Variants in DNM3 observed in about 807,000 individuals in gnomAD.
DNM3 encodes dynamin 3, also known as dynamin-3.
Under a neutral mutation model 101.6 loss-of-function variants are expected in DNM3, and 47 were observed. The ratio of observed to expected loss-of-function variants is 0.46; its 90% CI spans 0.37 to 0.59. The LOEUF (loss-of-function observed/expected upper bound fraction) is 0.59, where lower values mean the gene tolerates loss of function less well. Among genes scored for constraint, DNM3 ranks in the 20% least tolerant of loss-of-function variants. DNM3 has a pLI of 0.00. For synonymous variants in DNM3, 385 were observed against 387.9 expected (o/e 0.99, Z 0.09); for missense variants, 849 against 1,085.7 (o/e 0.78, Z 3.06).
chr1:172,273,099 G>C (rs2063145102), intron 15 of DNM3, among the ~76,000 whole-genome samples: 1 of 151,908 alleles, frequency 6.6e-6, no homozygotes, highest in African/African-American at 2.4e-5. Flanking sequence ...AAAGACAATA[G>C]GTAAATTATA....
chr1:172,370,499 G>A (rs772820230), intron 17 of DNM3, among the ~76,000 whole-genome samples: 1 of 152,068 alleles, frequency 6.6e-6, no homozygotes, highest in South Asian at 2.1e-4. Flanking sequence ...CTATCTTTAT[G>A]ATCTCAGGCA....
intron 17 of DNM3, among the ~76,000 whole-genome samples, chr1:172,329,330 C>A (rs1229256212): frequency 1.3e-5 from 2 of 151,842 alleles, no homozygotes; most frequent in African/African-American, 4.8e-5. Flanking sequence ...AATGTAAAAA[C>A]CTATCTATTT....
intron 14 of DNM3, among the ~76,000 whole-genome samples, chr1:172,233,353 C>A (rs2061412012): frequency 6.6e-6 from 1 of 152,136 alleles, no homozygotes; most frequent in African/African-American, 2.4e-5. Flanking sequence ...GAAGTTGAAT[C>A]TCTGAATAGA....
At chr1:172,390,280 A>C (rs574736380) in intron 20 of DNM3, among the ~76,000 whole-genome samples, 48 of 152,206 alleles carry the variant, frequency 3.2e-4, no homozygotes, top group Non-Finnish European at 4.9e-4. Context: ...TTTTTGTTTA[A>C]AGCTCACAAC....
At chr1:172,222,936 A>G (rs1557838922) in intron 14 of DNM3, among the ~76,000 whole-genome samples, 1 of 152,060 alleles carries the variant, frequency 6.6e-6, no homozygotes, top group South Asian at 2.1e-4. Flanking sequence ...AAATTTTTTA[A>G]GTGTTATTTT....
chr1:171,977,742 C>T (rs1250457610), intron 2 of DNM3, among the ~76,000 whole-genome samples: 1 of 152,176 alleles, frequency 6.6e-6, no homozygotes, highest in African/African-American at 2.4e-5. Context: ...TTTCAGGCTC[C>T]CTTGCCAATG....
intron 8 of DNM3, 119 bp from the exon 9 acceptor site, chr1:172,044,266 G>A: frequency 1.2e-6 from 1 of 834,840 alleles, no homozygotes; most frequent in Non-Finnish European, 1.9e-6. Flanking sequence ...GTTTAGGTTA[G>A]GAAAGACATG....
At chr1:172,067,163 A>G (rs1442861523) in intron 10 of DNM3, among the ~76,000 whole-genome samples, 1 of 152,206 alleles carries the variant, frequency 6.6e-6, no homozygotes, top group African/African-American at 2.4e-5. Flanking sequence ...TCTTTGCATT[A>G]GATCACTTGT....
intron 12 of DNM3, among the ~76,000 whole-genome samples, chr1:172,090,148 G>GT (rs376601804): frequency 6.6e-6 from 1 of 152,112 alleles, no homozygotes; most frequent in African/African-American, 2.4e-5. Context: ...TCTATCACAG[G>GT]TTTTCACCAC....
intron 1 of DNM3, among the ~76,000 whole-genome samples, chr1:171,892,586 G>A (rs2037387327): frequency 6.6e-6 from 1 of 152,152 alleles, no homozygotes; most frequent in South Asian, 2.1e-4. Flanking sequence ...CATTCTAACA[G>A]TCAGAAACTT....
chr1:172,122,135 T>C (rs956519774), intron 13 of DNM3, among the ~76,000 whole-genome samples: 1 of 152,172 alleles, frequency 6.6e-6, no homozygotes, highest in Admixed American at 6.5e-5. Context: ...TTTAATCACA[T>C]GAGTATTATA....
intron 20 of DNM3, among the ~76,000 whole-genome samples, chr1:172,406,692 A>AT (rs1316793352): frequency 6.6e-6 from 1 of 151,528 alleles, no homozygotes; most frequent in Admixed American, 6.6e-5. Context: ...TTTCAAAACT[A>AT]TTTTTCAAAA....
intron 2 of DNM3, among the ~76,000 whole-genome samples, chr1:171,956,338 A>G (rs911262505): frequency 6.6e-6 from 1 of 152,196 alleles, no homozygotes; most frequent in African/African-American, 2.4e-5. Flanking sequence ...CAAATGGGAG[A>G]AATTGACCAA....
At chr1:172,003,971 A>C (rs917457984) in intron 4 of DNM3, among the ~76,000 whole-genome samples, 3 of 152,062 alleles carry the variant, frequency 2.0e-5, no homozygotes, top group Admixed American at 1.3e-4. Context: ...TGTAATTCCC[A>C]AAACCACTCA....
At chr1:172,362,208 T>C (rs540999062) in intron 17 of DNM3, among the ~76,000 whole-genome samples, 1 of 152,074 alleles carries the variant, frequency 6.6e-6, no homozygotes, top group South Asian at 2.1e-4. Context: ...TACATTAAAA[T>C]ACAGGGGAGA....
At chr1:172,354,296 G>T (rs1056677632) in intron 17 of DNM3, among the ~76,000 whole-genome samples, 3 of 152,090 alleles carry the variant, frequency 2.0e-5, no homozygotes, top group Non-Finnish European at 4.4e-5. Context: ...AATTTATTGG[G>T]AGAAAAGGAA....
chr1:172,317,300 T>C (rs1274153502), intron 16 of DNM3, among the ~76,000 whole-genome samples: 2 of 150,756 alleles, frequency 1.3e-5, no homozygotes, highest in South Asian at 2.1e-4. Flanking sequence ...AGATCCAAAA[T>C]TGACACCCTA....
rs1553207766 is a variant in DNM3, at chr1:172,247,691, A to ATTTG, written c.1660-5878_1660-5875dup. 4.7e-3 allele frequency among the ~76,000 whole-genome samples: 714 copies of ATTTG among 150,426 alleles called. 10 individuals are homozygous for ATTTG. The highest frequency in any genetic ancestry group is 0.014 in the African/African-American group (554 of 41,020). The stretch of plus-strand genomic sequence containing the variant: ...TATTTATTTATTTATTTATTTATTT[A>ATTTG]TTTGTTTATTTTGAGACAGTTTCGC... On this transcript the variant is annotated intron_variant, in intron 14 of 20. Coordinates refer to ENST00000627582, the MANE Select transcript of DNM3 (RefSeq NM_015569.5).
intron 1 of DNM3, among the ~76,000 whole-genome samples, chr1:171,892,710 CT>C (rs2037399501): frequency 6.6e-6 from 1 of 152,186 alleles, no homozygotes; most frequent in African/African-American, 2.4e-5. Context: ...AGTTCCCAGC[CT>C]TTTTGGCACC....
Sources: allele counts gnomAD v4.1 joint callset (sites outside exome capture counted in the v4.1 genomes callset), GRCh38; gene constraint gnomAD v4.1.1; transcripts MANE v1.5; gene names NCBI Gene and HGNC (gene_info 2026-07-23, HGNC 2026-07-21).